TRIO: variants seen among roughly 807,000 people sequenced by gnomAD.
TRIO encodes the protein triple functional domain protein.
A neutral mutation model predicts 351.9 loss-of-function variants in TRIO; 58 were observed. The observed-to-expected ratio is 0.16, with a 90% CI of 0.13 to 0.21. The LOEUF (loss-of-function observed/expected upper bound fraction) is 0.21. Among genes scored for constraint, TRIO ranks in the 10% least tolerant of loss-of-function variants. TRIO has a pLI of 1.00. For synonymous variants in TRIO, 1,758 were observed against 1,595.7 expected (o/e 1.10, Z -2.42); for missense variants, 3,201 against 4,027.8 (o/e 0.79, Z 5.56).
Position 14,286,718 on chromosome 5 carries a change from C to T in TRIO, c.348-153C>T, listed in dbSNP as rs1715800000. Among the ~76,000 whole-genome samples the T allele has an allele frequency of 6.6e-6, 1 of 152,090 alleles. No homozygotes were observed. Among genetic ancestry groups the T allele is most frequent in the African/African-American group, 2.4e-5 (1 of 41,406 alleles). On this transcript the variant is annotated intron_variant, in intron 3 of 56. Transcript: ENST00000344204. This position sits in a 1 kb window ranked among gnomAD's most constrained non-coding sequence, Gnocchi z 4.4. ...CTTCCTTTATGGTACAAGGGAGGGA[C>T]GAGAAGGAGCTGAGCACAGTGTGCT...
intron 7 of TRIO, among the ~76,000 whole-genome samples, chr5:14,300,354 G>C (rs1490757427): frequency 6.6e-6 from 1 of 152,196 alleles, no homozygotes; most frequent in East Asian, 1.9e-4. Flanking sequence ...GCTACTCAGA[G>C]TTAAATAGCA....
chr5:14,450,466 G>C (rs1265708284), intron 34 of TRIO, among the ~76,000 whole-genome samples: 1 of 152,084 alleles, frequency 6.6e-6, no homozygotes, highest in African/African-American at 2.4e-5. Context: ...AGGCGGCAAA[G>C]ACCATGTGTT....
intron 34 of TRIO, among the ~76,000 whole-genome samples, chr5:14,453,856 A>G (rs983614305): frequency 1.3e-5 from 2 of 152,170 alleles, no homozygotes; most frequent in African/African-American, 4.8e-5. Context: ...ACTGAGAGTT[A>G]GTTGACTTTT....
Position 14,238,915 on chromosome 5 carries a change from T to A in TRIO, c.158-31910T>A, listed in dbSNP as rs77165961. Among the ~76,000 whole-genome samples the A allele has an allele frequency of 6.8e-3, 1,042 of 152,358 alleles. 6 individuals carry two copies. The highest frequency in any genetic ancestry group is 0.014 in the Middle Eastern group (4 of 294). ...ATCCTTGCAAATCTCCATTTTCTCA[T>A]GGAAAATAAGTATAAAAACAGGTAC... is the stretch of plus-strand genomic sequence containing the variant. On this transcript the variant is annotated intron_variant, in intron 1 of 56. Coordinates refer to ENST00000344204, the MANE Select transcript of TRIO (RefSeq NM_007118.4).
chr5:14,160,554 A>G (rs1043234928), intron 1 of TRIO, among the ~76,000 whole-genome samples: 3 of 152,248 alleles, frequency 2.0e-5, no homozygotes, highest in Non-Finnish European at 4.4e-5. Flanking sequence ...CAAGATGATT[A>G]GGCAGATTCT....
At chr5:14,457,639 C>T (rs1012021962) in intron 34 of TRIO, among the ~76,000 whole-genome samples, 1 of 152,128 alleles carries the variant, frequency 6.6e-6, no homozygotes, top group Non-Finnish European at 1.5e-5. Flanking sequence ...ATCCTTGTAA[C>T]GCCAGCTGGG....
intron 1 of TRIO, among the ~76,000 whole-genome samples, chr5:14,252,332 C>T (rs1411389406): frequency 1.3e-5 from 2 of 152,340 alleles, no homozygotes; most frequent in East Asian, 3.9e-4. Context: ...CCATACTAGA[C>T]TTCCTGCCTG....
chr5:14,448,588 C>T (rs1752608917), intron 34 of TRIO, among the ~76,000 whole-genome samples: 1 of 152,234 alleles, frequency 6.6e-6, no homozygotes, highest in Non-Finnish European at 1.5e-5. Context: ...AGAACTTTCC[C>T]CACGAGGGCT....
At chr5:14,175,136 T>C (rs1420633366) in intron 1 of TRIO, among the ~76,000 whole-genome samples, 1 of 152,248 alleles carries the variant, frequency 6.6e-6, no homozygotes, top group Non-Finnish European at 1.5e-5. Context: ...TTCATAAGTT[T>C]CACCAGATTG....
chr5:14,462,781 C>T lies in TRIO; in HGVS notation c.5523C>T (p.Ser1841=), dbSNP rs17500731. 0.022 allele frequency: 35,313 copies of T among 1,614,088 alleles called. 484 individuals carry two copies. The highest frequency in any genetic ancestry group is 0.053 in the Admixed American group (3,152 of 60,000). Residue 1841 remains serine (S), a synonymous_variant, in exon 36 of 57, where the codon AGC becomes AGT. Coordinates refer to ENST00000344204, the MANE Select transcript of TRIO (RefSeq NM_007118.4). ...EERGRNEGLS[S]GTLSKSSSSG... The stretch of plus-strand genomic sequence containing the variant: ...GAGGCCGGAACGAGGGCCTGAGCAG[C>T]GGTACTCTCTCCAAATCCTCCTCCT...
intron 33 of TRIO, among the ~76,000 whole-genome samples, chr5:14,410,048 C>T (rs915707750): frequency 1.3e-5 from 2 of 152,104 alleles, no homozygotes; most frequent in Non-Finnish European, 2.9e-5. Context: ...TTCTTAATGC[C>T]ACTTGCTGAG....
In TRIO at chr5:14,155,442, C is replaced by CAAA. The variant is rs1202535119; in HGVS notation, c.157+11560_157+11561insAAA. On this transcript the variant is annotated intron_variant, in intron 1 of 56. Coordinates refer to ENST00000344204, the MANE Select transcript of TRIO (RefSeq NM_007118.4). ...AATCACTAACTTTAACACCTTTTTA[C>CAAA]CAATTGTCTCAGGATTGTCCTTTTT... 3.3e-5 allele frequency among the ~76,000 whole-genome samples: 5 copies of CAAA among 152,226 alleles called. No homozygotes were observed. The South Asian group carries it at 6.2e-4, about 19-fold the overall frequency.
intron 37 of TRIO, among the ~76,000 whole-genome samples, chr5:14,468,911 A>C (rs567589493): frequency 6.6e-6 from 1 of 152,260 alleles, no homozygotes; most frequent in South Asian, 2.1e-4. Context: ...CCCCCCTGAA[A>C]ACTGTTCCCT....
At chr5:14,317,510 A>G (rs1291689138) in intron 9 of TRIO, among the ~76,000 whole-genome samples, 1 of 152,188 alleles carries the variant, frequency 6.6e-6, no homozygotes, top group Non-Finnish European at 1.5e-5. Context: ...ATAAGCCTGC[A>G]GTAGAGCCAC....
chr5:14,295,653 G>A (rs1737297418), intron 6 of TRIO, among the ~76,000 whole-genome samples: 1 of 152,162 alleles, frequency 6.6e-6, no homozygotes, highest in African/African-American at 2.4e-5. Flanking sequence ...AGCAAAATTA[G>A]CAAATCTAGT....
chr5:14,435,637 A>T (rs140952211), intron 34 of TRIO, among the ~76,000 whole-genome samples: 1 of 152,318 alleles, frequency 6.6e-6, no homozygotes, highest in Non-Finnish European at 1.5e-5. Flanking sequence ...ATCAGTTGGA[A>T]TTCTTCTATA....
intron 3 of TRIO, among the ~76,000 whole-genome samples, chr5:14,283,695 G>A (rs1001653725): frequency 6.6e-6 from 1 of 151,988 alleles, no homozygotes; most frequent in African/African-American, 2.4e-5. Context: ...CAACAGGAAC[G>A]TGACCTGAGC....
chr5:14,359,377 A>G lies in TRIO; in HGVS notation c.2237A>G (p.Asn746Ser), dbSNP rs569978674. The change falls in exon 13 of 57, where the codon AAC (asparagine) becomes AGC (serine). Residue 746 changes from asparagine (N) to serine (S), a missense_variant. Around this residue, in one of 19 missense-constraint regions of TRIO, gnomAD observed 363 missense variants for 553.5 expected, o/e 0.66. Transcript: ENST00000344204. ...QQLRDSAISSNKTPHNSSINH... is the reference protein window; with the variant it reads ...QQLRDSAISSSKTPHNSSINH... ...CGCAGGGACTCTGCCATCTCCAGTA[A>G]CAAGACCCCCCACAACAGCTCCATC... 45 of 1,613,628 alleles carry G rather than the reference A, an allele frequency of 2.8e-5. No individual in the cohort carries two copies. In the South Asian group the frequency reaches 3.6e-4, roughly 13 times the overall value.
chr5:14,395,989 T>C (rs1415501272), intron 28 of TRIO, among the ~76,000 whole-genome samples: 2 of 134,648 alleles, frequency 1.5e-5, no homozygotes, highest in Non-Finnish European at 3.0e-5. Flanking sequence ...GAGCTTGCAG[T>C]GAGCCGAGAT....
Sources: allele counts gnomAD v4.1 joint callset (sites outside exome capture counted in the v4.1 genomes callset), GRCh38; gene constraint gnomAD v4.1.1; regional missense constraint gnomAD v4.1.1; non-coding constraint Gnocchi (gnomAD v3.1); transcripts MANE v1.5; gene names NCBI Gene and HGNC (gene_info 2026-07-23, HGNC 2026-07-21).